Variants in SPARCL1 observed in about 807,000 individuals in gnomAD.
SPARCL1 encodes the protein SPARC like 1.
Under a neutral mutation model 67.1 loss-of-function variants are expected in SPARCL1, and 52 were observed. That is an observed-to-expected ratio of 0.78 (90% CI 0.62 to 0.98). SPARCL1 has a LOEUF of 0.98. SPARCL1 is among the 50% of genes least tolerant of loss of function. The probability of loss-of-function intolerance (pLI) is 0.00; values close to 1 mark genes in which losing one functional copy is unlikely to be tolerated. For missense variants in SPARCL1, 717 were observed against 782.4 expected (o/e 0.92, Z 1.00); for synonymous variants, 226 against 267.8 (o/e 0.84, Z 1.52).
intron 4 of SPARCL1, 127 bp downstream of exon 4, chr4:87,493,455 T>C (rs1339682724): frequency 1.3e-6 from 1 of 768,710 alleles, no homozygotes. Context: ...AAGAAATAAC[T>C]GTAATATATT....
At chr4:87,524,240 T>TC (rs1040104653) in intron 1 of SPARCL1, among the ~76,000 whole-genome samples, 3 of 151,588 alleles carry the variant, frequency 2.0e-5, no homozygotes, top group African/African-American at 7.3e-5. Flanking sequence ...TTCTTTTTTT[T>TC]CCCCCTGTAG....
intron 1 of SPARCL1, among the ~76,000 whole-genome samples, chr4:87,501,530 A>T (rs887194272): frequency 1.3e-5 from 2 of 151,960 alleles, no homozygotes; most frequent in African/African-American, 4.8e-5. Context: ...AATTTTTTTT[A>T]AAACATTGGT....
intron 1 of SPARCL1, among the ~76,000 whole-genome samples, chr4:87,511,967 C>CTCTTTTTTTTTTT (rs71667858): frequency 3.3e-5 from 4 of 121,568 alleles, no homozygotes; most frequent in African/African-American, 1.3e-4. Flanking sequence ...CTTTCTTTCT[C>CTCTTTTTTTTTTT]TTTTTTTTTT....
At chr4:87,526,286 C>T (rs892508383) in intron 1 of SPARCL1, among the ~76,000 whole-genome samples, 9 of 152,184 alleles carry the variant, frequency 5.9e-5, no homozygotes, top group Non-Finnish European at 8.8e-5. Context: ...GTCCGATTTA[C>T]TTTTACATTT....
chr4:87,480,820 C>CTTT (rs1553967987), intron 8 of SPARCL1, among the ~76,000 whole-genome samples: 1 of 133,382 alleles, frequency 7.5e-6, no homozygotes, highest in African/African-American at 2.6e-5. Flanking sequence ...ATGTTCGCTG[C>CTTT]TTTTTTTTTT....
In SPARCL1 at chr4:87,490,270, T is replaced by C. The variant is rs747263075; in HGVS notation, c.1531+3A>G. On this transcript the variant is annotated splice_donor_region_variant and intron_variant, in intron 7 of 10. Coordinates refer to ENST00000282470, the MANE Select transcript of SPARCL1 (RefSeq NM_004684.6). The stretch of plus-strand genomic sequence containing the variant: ...ATGGTTGACAGGAGGGACATAATCT[T>C]ACATTTGCAGGCTCCAAAATAATCC... 28 of 1,607,976 alleles carry C rather than the reference T, an allele frequency of 1.7e-5. No homozygotes were observed. The highest frequency in any genetic ancestry group is 2.3e-5 in the Non-Finnish European group (27 of 1,177,678).
At chr4:87,526,559 T>C (rs1016772894) in intron 1 of SPARCL1, among the ~76,000 whole-genome samples, 4 of 152,206 alleles carry the variant, frequency 2.6e-5, no homozygotes, top group African/African-American at 9.6e-5. Flanking sequence ...AACTGAGTCA[T>C]GCAGGTGGGA....
At chr4:87,519,440 G>T (rs543733741) in intron 1 of SPARCL1, among the ~76,000 whole-genome samples, 1 of 152,084 alleles carries the variant, frequency 6.6e-6, no homozygotes, top group Non-Finnish European at 1.5e-5. Context: ...AAAATGCTTT[G>T]CTTTCAGAGC....
At chr4:87,514,791 G>A (rs1725514769) in intron 1 of SPARCL1, among the ~76,000 whole-genome samples, 1 of 152,186 alleles carries the variant, frequency 6.6e-6, no homozygotes, top group Non-Finnish European at 1.5e-5. Flanking sequence ...AAGACAGAAT[G>A]GAGAACTTTC....
Position 87,486,888 on chromosome 4 carries a change from C to CTTTTTTTTTTTTTT in SPARCL1, c.1531+3371_1531+3384dup, listed in dbSNP as rs57597004. 6.4e-4 allele frequency among the ~76,000 whole-genome samples: 18 copies of CTTTTTTTTTTTTTT among 28,000 alleles called. 6 individuals are homozygous for CTTTTTTTTTTTTTT. The highest frequency in any genetic ancestry group is 2.9e-3 in the South Asian group (2 of 692). The allele number at this position is 28,000 out of a possible 152,430, so 18.4% of individuals were successfully genotyped here. Reference sequence around the variant, plus strand: ...TCTGAGGCTAGTATTGCAATTCCTGCTTTTTTTTTTTTTTTTTTTTTTTTT... The same window carrying CTTTTTTTTTTTTTT: ...TCTGAGGCTAGTATTGCAATTCCTGCTTTTTTTTTTTTTTTTTTTTTTTTTTTTTTTTTTTTTTT... On this transcript the variant is annotated intron_variant, in intron 7 of 10. Coordinates refer to ENST00000282470, the MANE Select transcript of SPARCL1 (RefSeq NM_004684.6).
chr4:87,480,568 T>C (rs1390292693), intron 8 of SPARCL1, 48 bp from the exon 9 acceptor site: 9 of 1,535,960 alleles, frequency 5.9e-6, no homozygotes, highest in Admixed American at 2.0e-5. Flanking sequence ...ACAAATGTAA[T>C]GGACTTGTCA....
chr4:87,492,559 G>C (rs1724394964), intron 4 of SPARCL1, among the ~76,000 whole-genome samples: 2 of 152,150 alleles, frequency 1.3e-5, no homozygotes, highest in African/African-American at 4.8e-5. Flanking sequence ...AATAAGACTT[G>C]GAGTCTCCTC....
In SPARCL1 at chr4:87,491,480, G is replaced by T. The variant is rs1034320637; in HGVS notation, c.1291+138C>A. On this transcript the variant is annotated intron_variant, in intron 5 of 10. Transcript: ENST00000282470. ...CACAAGAAAATGTCAACAATTTATGGGAGCATTTCCTTGGGGAGGACTGGG... is the reference window on the plus strand; with the variant it reads ...CACAAGAAAATGTCAACAATTTATGTGAGCATTTCCTTGGGGAGGACTGGG... 1.9e-5 allele frequency: 14 copies of T among 747,232 alleles called. No individual in the cohort carries two copies. In the African/African-American group the frequency reaches 2.2e-4, roughly 12 times the overall value. 46.3% of individuals were successfully genotyped at this position (747,232 alleles called of 1,614,324 possible). A position where few individuals can be genotyped will look rare whatever the true frequency, so the allele number is the denominator to read the frequency against.
intron 1 of SPARCL1, among the ~76,000 whole-genome samples, chr4:87,501,255 T>C (rs768707700): frequency 6.6e-6 from 1 of 152,138 alleles, no homozygotes; most frequent in Non-Finnish European, 1.5e-5. Context: ...CTGGGGTCCA[T>C]ACCTGGGGTC....
In SPARCL1 at chr4:87,493,509, C is replaced by T. The variant is rs139729635; in HGVS notation, c.1218+73G>A. On this transcript the variant is annotated intron_variant, in intron 4 of 10. Transcript: ENST00000282470. The stretch of plus-strand genomic sequence containing the variant: ...ACATCCATACAGGACACTGTGAGAG[C>T]ACAGAGAAAGGTCATGACTGTTTAT... The T allele has an allele frequency of 9.8e-5, 134 of 1,361,684 alleles. No homozygotes were observed. In the African/African-American group the frequency reaches 1.4e-3, roughly 14 times the overall value. 84.4% of individuals were successfully genotyped at this position (1,361,684 alleles called of 1,614,324 possible). A position where few individuals can be genotyped will look rare whatever the true frequency, so the allele number is the denominator to read the frequency against.
rs72654103 is a variant in SPARCL1, at chr4:87,482,457, G to A, written c.1635C>T (p.His545=). The A allele has an allele frequency of 0.029, 47,374 of 1,613,690 alleles. 775 individuals carry two copies. Among genetic ancestry groups the A allele is most frequent in the Non-Finnish European group, 0.034 (40,146 of 1,179,748 alleles). Residue 545 remains histidine (H), a synonymous_variant, in exon 8 of 11, where the codon CAC becomes CAT. Transcript: ENST00000282470. The part of the protein sequence containing the change: ...LMQLYEANSE[H]AGYLNEKQRN... ...TCTGCTTCTCATTTAGATAACCAGC[G>A]TGTTCAGAGTTGGCTTCATAAAGCT...
chr4:87,506,762 CTA>C (rs1725090114), intron 1 of SPARCL1, among the ~76,000 whole-genome samples: 3 of 107,712 alleles, frequency 2.8e-5, no homozygotes, highest in African/African-American at 3.9e-5. Context: ...TCCTCATTAT[CTA>C]TATCTCTATC....
chr4:87,490,378 T>G lies in SPARCL1; in HGVS notation c.1426A>C (p.Asn476His). ...KPLDQVCGTD[N>H]QTYASSCHLF... is the part of the protein sequence containing the mutation. Reference sequence around the variant, plus strand: ...TGACAGGAACTAGCATAGGTCTGATTGTCAGTGCCACAAACCTATGGAAGA... The same window carrying G: ...TGACAGGAACTAGCATAGGTCTGATGGTCAGTGCCACAAACCTATGGAAGA... The change falls in exon 7 of 11, where the codon AAT (asparagine) becomes CAT (histidine). Residue 476 changes from asparagine to histidine, a missense_variant. Coordinates refer to ENST00000282470, the MANE Select transcript of SPARCL1 (RefSeq NM_004684.6). 1.2e-6 allele frequency: 2 copies of G among 1,609,780 alleles called. No individual in the cohort carries two copies. Among genetic ancestry groups the G allele is most frequent in the Non-Finnish European group, 1.7e-6 (2 of 1,178,736 alleles).
At chr4:87,480,579 C>T (rs2110212962) in intron 8 of SPARCL1, 59 bp from the exon 9 acceptor site, 1 of 1,476,952 alleles carries the variant, frequency 6.8e-7, no homozygotes, top group East Asian at 2.3e-5. Flanking sequence ...GGACTTGTCA[C>T]TTGCTATAAA....
Sources: gnomAD v4.1 joint callset for allele counts (sites outside exome capture counted in the v4.1 genomes callset) on GRCh38, gnomAD v4.1.1 for gene constraint, MANE v1.5 for transcripts, NCBI Gene and HGNC (gene_info 2026-07-23, HGNC 2026-07-21) for gene names.